The following IL1RAPL1 variants were observed in gnomAD, a reference collection of about 807,000 sequenced individuals.
The protein encoded by IL1RAPL1 is interleukin 1 receptor accessory protein like 1.
In IL1RAPL1, 3 loss-of-function variants were observed where a neutral mutation model predicts 48.4. The ratio of observed to expected loss-of-function variants is 0.06; its 90% CI spans 0.03 to 0.16. The LOEUF (loss-of-function observed/expected upper bound fraction) is 0.16, where lower values mean the gene tolerates loss of function less well. Among genes scored for constraint, IL1RAPL1 ranks in the 10% least tolerant of loss-of-function variants. IL1RAPL1 has a pLI of 1.00. For missense variants in IL1RAPL1, 349 were observed against 530.6 expected (o/e 0.66, Z 3.36); for synonymous variants, 185 against 187.7 (o/e 0.99, Z 0.12).
At chrX:29,142,952 C>T (rs1929274223) in intron 2 of IL1RAPL1, among the ~76,000 whole-genome samples, 1 of 111,229 alleles carries the variant, frequency 9.0e-6, no homozygotes, top group Admixed American at 9.6e-5. Flanking sequence ...GCCTCGACCT[C>T]CCAAAGTGCT....
chrX:29,494,070 T>A (rs1368740119), intron 5 of IL1RAPL1, among the ~76,000 whole-genome samples: 1 of 102,053 alleles, frequency 9.8e-6, no homozygotes. Context: ...ACTTTTTGTA[T>A]TTTTTTTTTT....
chrX:29,368,443 G>A (rs1483648441), intron 3 of IL1RAPL1, among the ~76,000 whole-genome samples: 1 of 111,630 alleles, frequency 9.0e-6, no homozygotes, highest in Non-Finnish European at 1.9e-5. Context: ...GTGCAGTGGC[G>A]CAACCATGGC....
intron 5 of IL1RAPL1, among the ~76,000 whole-genome samples, chrX:29,442,742 C>T (rs778561979): frequency 3.0e-4 from 33 of 109,200 alleles, no homozygotes; most frequent in Admixed American, 4.9e-4. Context: ...TCTGTGGTCC[C>T]AGCTTCTCAG....
At chrX:29,383,394 T>C (rs1933735828) in intron 3 of IL1RAPL1, among the ~76,000 whole-genome samples, 2 of 112,072 alleles carry the variant, frequency 1.8e-5, no homozygotes, top group South Asian at 7.3e-4. Flanking sequence ...CGGATAAAGA[T>C]TGGACCCACT....
chrX:29,411,084 G>A lies in IL1RAPL1; in HGVS notation c.703+11776G>A, dbSNP rs768085000. On this transcript the variant is annotated intron_variant, in intron 5 of 10. Coordinates refer to ENST00000378993, the MANE Select transcript of IL1RAPL1 (RefSeq NM_014271.4). Reference sequence around the variant, plus strand: ...CATTTAAAAAATAAAAAGAGACCAGGCTCAGTGGTTCACACCTGTAATACT... The same window carrying A: ...CATTTAAAAAATAAAAAGAGACCAGACTCAGTGGTTCACACCTGTAATACT... Among the ~76,000 whole-genome samples the A allele has an allele frequency of 2.7e-5, 3 of 111,533 alleles. No homozygotes were observed. In the South Asian group the frequency reaches 1.1e-3, roughly 43 times the overall value.
intron 6 of IL1RAPL1, among the ~76,000 whole-genome samples, chrX:29,876,138 C>T (rs985893732): frequency 4.5e-5 from 5 of 111,591 alleles, no homozygotes; most frequent in Admixed American, 1.9e-4. Flanking sequence ...TTGATAGAGT[C>T]TAATGTGTCA....
intron 5 of IL1RAPL1, among the ~76,000 whole-genome samples, chrX:29,552,151 C>T (rs897000232): frequency 2.7e-5 from 3 of 111,303 alleles, no homozygotes; most frequent in African/African-American, 9.8e-5. Context: ...CAAATTGCCA[C>T]ATTTCCTCCA....
chrX:29,774,158 G>A (rs748936836), intron 6 of IL1RAPL1, among the ~76,000 whole-genome samples: 28 of 42,424 alleles, frequency 6.6e-4, no homozygotes, highest in Admixed American at 1.8e-3. Flanking sequence ...CCCCACCCCC[G>A]CATAAAAAGG....
At chrX:29,581,047 C>T (rs6630899) in intron 5 of IL1RAPL1, among the ~76,000 whole-genome samples, 33,284 of 110,872 alleles carry the variant, frequency 0.3, 3,706 homozygotes, top group South Asian at 0.46. Flanking sequence ...TGAGCAAGCA[C>T]AGCAGGTCTG....
intron 5 of IL1RAPL1, among the ~76,000 whole-genome samples, chrX:29,439,525 A>G (rs1405904029): frequency 9.0e-6 from 1 of 111,561 alleles, no homozygotes; most frequent in East Asian, 2.8e-4. Context: ...GTATAAGTCT[A>G]TTACAATGAG....
chrX:29,006,643 A>ATGTGTGTGTG (rs1228333162), intron 2 of IL1RAPL1, among the ~76,000 whole-genome samples: 2 of 85,647 alleles, frequency 2.3e-5, no homozygotes, highest in Non-Finnish European at 4.4e-5. Context: ...GTGTGTTTAT[A>ATGTGTGTGTG]TATATGTGTG....
chrX:29,728,945 T>C (rs1023701177), intron 6 of IL1RAPL1, among the ~76,000 whole-genome samples: 6 of 111,546 alleles, frequency 5.4e-5, no homozygotes, highest in African/African-American at 2.0e-4. Flanking sequence ...ATGGCTATAT[T>C]ATTCCTCCCA....
chrX:29,637,442 A>G lies in IL1RAPL1; in HGVS notation c.704-30988A>G, dbSNP rs143588654. On this transcript the variant is annotated intron_variant, in intron 5 of 10. Coordinates refer to ENST00000378993, the MANE Select transcript of IL1RAPL1 (RefSeq NM_014271.4). ...GATGTGGTTTAAGGAGAATTAAGCT[A>G]TATTAATAACGTTTAATTTCTTTAA... Among the ~76,000 whole-genome samples the G allele has an allele frequency of 7.8e-3, 860 of 110,936 alleles. 7 individuals carry two copies. The highest frequency in any genetic ancestry group is 0.027 in the African/African-American group (821 of 30,622).
chrX:28,825,621 C>A (rs932904034), intron 2 of IL1RAPL1, among the ~76,000 whole-genome samples: 1 of 110,901 alleles, frequency 9.0e-6, no homozygotes, highest in Admixed American at 9.7e-5. Context: ...ATTGTGGTTC[C>A]ATTTCATTGG....
chrX:28,657,871 G>A (rs1397843165), intron 1 of IL1RAPL1, among the ~76,000 whole-genome samples: 11 of 112,259 alleles, frequency 9.8e-5, no homozygotes, highest in African/African-American at 3.6e-4. Context: ...GAAGGTTGGT[G>A]TTCGAGAGGC....
chrX:29,064,577 TTTTTG>T (rs1351739812), intron 2 of IL1RAPL1, among the ~76,000 whole-genome samples: 11 of 110,948 alleles, frequency 9.9e-5, no homozygotes, highest in Non-Finnish European at 1.9e-4. Flanking sequence ...TTTGTTTTTG[TTTTTG>T]TTTTGTTTTG....
intron 6 of IL1RAPL1, among the ~76,000 whole-genome samples, chrX:29,844,532 T>A (rs910251617): frequency 9.0e-6 from 1 of 111,347 alleles, no homozygotes; most frequent in Non-Finnish European, 1.9e-5. Context: ...AGGTTTTGAA[T>A]CCATGGATTT....
rs772360428 is a variant in IL1RAPL1, at chrX:29,921,386, G to A, written c.1057+1292G>A. Among the ~76,000 whole-genome samples the A allele has an allele frequency of 3.6e-5, 4 of 111,579 alleles. No homozygotes were observed. In the East Asian group the frequency reaches 1.1e-3, roughly 31 times the overall value. On this transcript the variant is annotated intron_variant, in intron 8 of 10. Coordinates refer to ENST00000378993, the MANE Select transcript of IL1RAPL1 (RefSeq NM_014271.4). The stretch of plus-strand genomic sequence containing the variant: ...AAGGCTGTTCCCCCTTCTTTATTGG[G>A]CAATAGATTCCCTTTGAATAATATT...
intron 6 of IL1RAPL1, among the ~76,000 whole-genome samples, chrX:29,870,754 G>T (rs1931784778): frequency 8.9e-6 from 1 of 111,996 alleles, no homozygotes; most frequent in African/African-American, 3.2e-5. Context: ...TATTTTTAAA[G>T]TCACTAAGAT....
Sources: allele counts gnomAD v4.1 joint callset (sites outside exome capture counted in the v4.1 genomes callset), GRCh38; gene constraint gnomAD v4.1.1; transcripts MANE v1.5; gene names NCBI Gene and HGNC (gene_info 2026-07-23, HGNC 2026-07-21).